Variants in OTOP1 observed in about 807,000 individuals in gnomAD.
OTOP1 encodes the protein otopetrin 1.
A neutral mutation model predicts 52.9 loss-of-function variants in OTOP1; 59 were observed. The ratio of observed to expected loss-of-function variants is 1.12; its 90% confidence interval spans 0.91 to 1.39. OTOP1 has a LOEUF of 1.39. OTOP1 is among the 40% of genes most tolerant of loss of function. OTOP1 has a pLI of 0.00. For missense variants in OTOP1, 761 were observed against 800.9 expected, an observed-to-expected ratio of 0.95 and a Z score of 0.60; for synonymous variants, 317 against 337.7, an observed-to-expected ratio of 0.94 and a Z score of 0.67.
At chr4:4,216,912 G>C (rs1024205786) in intron 1 of OTOP1, among the ~76,000 whole-genome samples, 28 of 152,208 alleles carry the variant, frequency 1.8e-4, no homozygotes, top group African/African-American at 6.3e-4. Context: ...ATCAGCTGCA[G>C]TGCTTGTTAA....
chr4:4,205,708 C>G (rs1716890835), intron 3 of OTOP1, among the ~76,000 whole-genome samples: 1 of 152,210 alleles, frequency 6.6e-6, no homozygotes, highest in South Asian at 2.1e-4. Context: ...TCTTGTTAAT[C>G]TGACCTTTGT....
intron 3 of OTOP1, among the ~76,000 whole-genome samples, chr4:4,204,836 A>C (rs1439308526): frequency 6.6e-6 from 1 of 151,592 alleles, no homozygotes; most frequent in African/African-American, 2.4e-5. Flanking sequence ...CAGTGGCGTG[A>C]TCTCGGCTCA....
chr4:4,222,215 G>C (rs1048948873), intron 1 of OTOP1, among the ~76,000 whole-genome samples: 12 of 152,030 alleles, frequency 7.9e-5, no homozygotes, highest in African/African-American at 2.9e-4. Flanking sequence ...TGCTTGATTA[G>C]TGCTAGAAAG....
At chr4:4,203,114 C>T (rs535930188) in intron 3 of OTOP1, among the ~76,000 whole-genome samples, 1 of 152,380 alleles carries the variant, frequency 6.6e-6, no homozygotes, top group East Asian at 1.9e-4. Context: ...CATGGCCATT[C>T]TGGCCAGTGA....
chr4:4,210,628 C>T (rs552954093), intron 2 of OTOP1, among the ~76,000 whole-genome samples: 18 of 152,196 alleles, frequency 1.2e-4, no homozygotes, highest in Non-Finnish European at 2.2e-4. Flanking sequence ...GTCAGGAGTT[C>T]GAGACCAGCC....
chr4:4,192,124 G>A (rs1716522633), intron 5 of OTOP1, among the ~76,000 whole-genome samples: 1 of 152,192 alleles, frequency 6.6e-6, no homozygotes, highest in Non-Finnish European at 1.5e-5. Flanking sequence ...ATGACACCAT[G>A]CAGTTTCCAA....
chr4:4,224,245 G>A (rs1232165632), intron 1 of OTOP1, among the ~76,000 whole-genome samples: 2 of 151,972 alleles, frequency 1.3e-5, no homozygotes, highest in Non-Finnish European at 1.5e-5. Context: ...TACTTGGGAG[G>A]CTGAGGCAGG....
chr4:4,201,461 T>TACACACAC (rs1167229533), intron 4 of OTOP1, among the ~76,000 whole-genome samples: 2 of 132,782 alleles, frequency 1.5e-5, no homozygotes, highest in African/African-American at 6.3e-5. Context: ...AATAAATAAA[T>TACACACAC]ATATATATAT....
chr4:4,220,506 G>A (rs1717276746), intron 1 of OTOP1, among the ~76,000 whole-genome samples: 1 of 152,082 alleles, frequency 6.6e-6, no homozygotes. Context: ...ATGACCTTGG[G>A]CAATTACTTA....
At chr4:4,211,263 T>C (rs545863633) in intron 2 of OTOP1, among the ~76,000 whole-genome samples, 42 of 152,358 alleles carry the variant, frequency 2.8e-4, no homozygotes, top group African/African-American at 9.9e-4. Flanking sequence ...CCTGGTTTTC[T>C]AGAGGTAGAA....
At chr4:4,202,319 G>C (rs1373336944) in intron 4 of OTOP1, 129 bp downstream of exon 4, 11 of 1,284,434 alleles carry the variant, frequency 8.6e-6, no homozygotes, top group Non-Finnish European at 1.2e-5. Flanking sequence ...GGGCTGTCTG[G>C]CTGATGCTGA....
intron 3 of OTOP1, among the ~76,000 whole-genome samples, chr4:4,203,503 C>G (rs1169461343): frequency 6.6e-6 from 1 of 152,186 alleles, no homozygotes; most frequent in Non-Finnish European, 1.5e-5. Context: ...GCCCTTGGCT[C>G]TTTGCCATGC....
intron 2 of OTOP1, among the ~76,000 whole-genome samples, chr4:4,207,264 T>C (rs1716925184): frequency 6.6e-6 from 1 of 152,186 alleles, no homozygotes; most frequent in Admixed American, 6.5e-5. Context: ...TTAACTAAAT[T>C]AGCAATTATC....
intron 5 of OTOP1, among the ~76,000 whole-genome samples, chr4:4,192,351 C>T (rs1320194309): frequency 1.3e-5 from 2 of 152,214 alleles, no homozygotes; most frequent in African/African-American, 4.8e-5. Context: ...GCTTCACCAA[C>T]TTCACCTGAT....
intron 2 of OTOP1, among the ~76,000 whole-genome samples, chr4:4,207,600 TA>T (rs1716935053): frequency 1.1e-4 from 2 of 17,452 alleles, no homozygotes; most frequent in Non-Finnish European, 2.7e-4. Context: ...TCTGGGTATA[TA>T]TATATATATA....
chr4:4,190,869 G>C (rs181739429), intron 5 of OTOP1, among the ~76,000 whole-genome samples: 1 of 152,214 alleles, frequency 6.6e-6, no homozygotes, highest in East Asian at 1.9e-4. Flanking sequence ...ATGTTGGCCA[G>C]CGTCCAGGGA....
At chr4:4,202,358 C>A in intron 4 of OTOP1, 90 bp downstream of exon 4, 2 of 1,577,046 alleles carry the variant, frequency 1.3e-6, no homozygotes, top group Non-Finnish European at 1.7e-6. Flanking sequence ...TCTTTGGAAC[C>A]TGCACTCCAT....
In OTOP1 at chr4:4,213,132, T is replaced by C; in HGVS notation, c.404-128A>G. The C allele has an allele frequency of 2.5e-6, 3 of 1,210,320 alleles. No homozygotes were observed. The South Asian group carries it at 4.9e-5, about 20-fold the overall frequency. 75.0% of individuals were successfully genotyped at this position (1,210,320 alleles called of 1,614,324 possible). On this transcript the variant is annotated intron_variant, in intron 1 of 5. Coordinates refer to ENST00000296358, the MANE Select transcript of OTOP1 (RefSeq NM_177998.3). ...ATGGTCAAATGATTTTTCACAAGGG[T>C]GCCGAGACCATTCAATGGGAAAAGG...
At position 4,188,978 on chromosome 4, in the gene OTOP1, A is replaced by G. The variant is rs1343121045; in HGVS notation, c.1669-5T>C. ...AAAGGCGGGAGGTATCCAAAGCTGC[A>G]AGAGAAGAGAAAATGGCATGTGGTG... is the stretch of plus-strand genomic sequence containing the variant. On this transcript the variant is annotated splice_region_variant and splice_polypyrimidine_tract_variant and intron_variant, in intron 5 of 5. Coordinates refer to ENST00000296358, the MANE Select transcript of OTOP1 (RefSeq NM_177998.3). The G allele has an allele frequency of 6.2e-7, 1 of 1,610,238 alleles. No homozygotes were observed. Among genetic ancestry groups the G allele is most frequent in the East Asian group, 2.2e-5 (1 of 44,718 alleles).
Sources: gnomAD v4.1 joint callset for allele counts (sites outside exome capture counted in the v4.1 genomes callset) on GRCh38, gnomAD v4.1.1 for gene constraint, MANE v1.5 for transcripts, NCBI Gene and HGNC (gene_info 2026-07-23, HGNC 2026-07-21) for gene names.